KIAA1217: variants seen among roughly 807,000 people sequenced by gnomAD.
KIAA1217 encodes KIAA1217, also known as sickle tail protein homolog.
In KIAA1217, 88 loss-of-function variants were observed where a neutral mutation model predicts 163.9. That is an observed-to-expected ratio of 0.54 (90% confidence interval 0.45 to 0.64). The LOEUF is 0.64. Among genes scored for constraint, KIAA1217 ranks in the 30% least tolerant of loss-of-function variants. The pLI is 0.00. For synonymous variants in KIAA1217, 903 were observed against 923.1 expected, an observed-to-expected ratio of 0.98 and a Z score of 0.39; for missense variants, 2,372 against 2,475.0, an observed-to-expected ratio of 0.96 and a Z score of 0.88.
chr10:23,726,753 A>T (rs1197443325), intron 1 of KIAA1217, among the ~76,000 whole-genome samples: 1 of 152,186 alleles, frequency 6.6e-6, no homozygotes, highest in East Asian at 1.9e-4. Context: ...ATGAACAGAC[A>T]CTTCTCAAAA....
chr10:24,523,876 C>T (rs1449320250), intron 12 of KIAA1217, among the ~76,000 whole-genome samples: 3 of 152,092 alleles, frequency 2.0e-5, no homozygotes, highest in Non-Finnish European at 2.9e-5. Flanking sequence ...TCACTGTGTA[C>T]CTTGTGGCAA....
At chr10:24,517,139 C>T (rs912392628) in intron 10 of KIAA1217, among the ~76,000 whole-genome samples, 9 of 150,926 alleles carry the variant, frequency 6.0e-5, no homozygotes, top group African/African-American at 2.0e-4. Context: ...CACACCACTG[C>T]ACCCCAGCCT....
intron 1 of KIAA1217, among the ~76,000 whole-genome samples, chr10:23,955,063 A>G (rs189715184): frequency 9.2e-5 from 14 of 152,198 alleles, no homozygotes; most frequent in African/African-American, 3.4e-4. Flanking sequence ...TACTGTGCCC[A>G]GTTTTTTATA....
chr10:24,041,732 C>T (rs183399899), intron 2 of KIAA1217, among the ~76,000 whole-genome samples: 1 of 152,272 alleles, frequency 6.6e-6, no homozygotes, highest in East Asian at 1.9e-4. Context: ...TCACGGTCAC[C>T]TCTTGGAATA....
chr10:23,949,228 A>G (rs1177700144), intron 1 of KIAA1217, among the ~76,000 whole-genome samples: 1 of 152,206 alleles, frequency 6.6e-6, no homozygotes, highest in Non-Finnish European at 1.5e-5. Context: ...CTGACAAAAA[A>G]TACCTGGGAA....
intron 2 of KIAA1217, among the ~76,000 whole-genome samples, chr10:24,301,327 A>G (rs2041303254): frequency 6.6e-6 from 1 of 152,270 alleles, no homozygotes; most frequent in Non-Finnish European, 1.5e-5. Context: ...AAAAATGCCT[A>G]GAAAATTATC....
intron 2 of KIAA1217, among the ~76,000 whole-genome samples, chr10:24,075,119 TACAC>T (rs71397929): frequency 0.13 from 17,624 of 131,308 alleles, 1,258 homozygotes; most frequent in African/African-American, 0.21. Flanking sequence ...TCCCCCTAAA[TACAC>T]ACACACACAC....
At chr10:23,772,857 C>T (rs575442909) in intron 1 of KIAA1217, among the ~76,000 whole-genome samples, 12 of 152,260 alleles carry the variant, frequency 7.9e-5, no homozygotes, top group African/African-American at 2.4e-4. Context: ...AAACAAGGAT[C>T]GCTTCTCGGC....
intron 16 of KIAA1217, among the ~76,000 whole-genome samples, chr10:24,534,335 TA>T (rs1382568231): frequency 1.6e-4 from 24 of 152,198 alleles, no homozygotes; most frequent in Non-Finnish European, 3.2e-4. Context: ...CCAATCAGGC[TA>T]TTTGCAGGTT....
intron 1 of KIAA1217, among the ~76,000 whole-genome samples, chr10:23,916,865 G>A (rs895145232): frequency 3.3e-5 from 5 of 151,338 alleles, no homozygotes; most frequent in South Asian, 2.1e-4. Context: ...CCAGCTACAC[G>A]GGAGGCTGAG....
chr10:24,070,710 G>A (rs951641495), intron 2 of KIAA1217, among the ~76,000 whole-genome samples: 4 of 152,252 alleles, frequency 2.6e-5, no homozygotes, highest in African/African-American at 9.6e-5. Context: ...AAATATTAGT[G>A]GTAATTTGTT....
chr10:24,136,544 G>T (rs2063838832), intron 2 of KIAA1217, among the ~76,000 whole-genome samples: 1 of 152,124 alleles, frequency 6.6e-6, no homozygotes, highest in African/African-American at 2.4e-5. Context: ...ACACCGGAAC[G>T]CGGTCAAATG....
At position 23,919,372 on chromosome 10, in the gene KIAA1217, G is replaced by A. The variant is rs562105370; in HGVS notation, c.-320-87853G>A. Among the ~76,000 whole-genome samples, 22 of 152,000 alleles carry A rather than the reference G, an allele frequency of 1.4e-4. No homozygotes were observed. The South Asian group carries it at 1.9e-3, about 13-fold the overall frequency. ...TGTAATCCCAGCACTTTGGGAGGCC[G>A]AGGCAGGTGGATCACCTGAGGTCAG... On this transcript the variant is annotated intron_variant, in intron 1 of 18. Transcript: ENST00000376462.
intron 2 of KIAA1217, among the ~76,000 whole-genome samples, chr10:24,221,616 A>C (rs954143223): frequency 6.6e-6 from 1 of 152,162 alleles, no homozygotes; most frequent in Non-Finnish European, 1.5e-5. Context: ...AAAATGTGAA[A>C]CGTGCTTTAT....
At chr10:24,203,346 T>G (rs910600047) in intron 2 of KIAA1217, among the ~76,000 whole-genome samples, 10 of 152,048 alleles carry the variant, frequency 6.6e-5, no homozygotes, top group Admixed American at 3.3e-4. Flanking sequence ...TCCTAAGGTA[T>G]TCATCAAGTA....
chr10:23,938,893 G>A (rs927702466), intron 1 of KIAA1217, among the ~76,000 whole-genome samples: 1 of 152,084 alleles, frequency 6.6e-6, no homozygotes, highest in Admixed American at 6.6e-5. Flanking sequence ...GAAGAAAGCA[G>A]GGAAATATGA....
At chr10:24,095,479 C>T (rs2062119674) in intron 2 of KIAA1217, among the ~76,000 whole-genome samples, 1 of 152,176 alleles carries the variant, frequency 6.6e-6, no homozygotes, top group South Asian at 2.1e-4. Context: ...CCCCACTGAA[C>T]ACACCTTCTT....
chr10:24,489,374 T>G (rs1338020880), intron 6 of KIAA1217, among the ~76,000 whole-genome samples: 1 of 152,190 alleles, frequency 6.6e-6, no homozygotes, highest in Non-Finnish European at 1.5e-5. Context: ...TTCTGTAATA[T>G]GTCTTCTGGA....
chr10:23,806,415 A>G (rs1782305248), intron 1 of KIAA1217, among the ~76,000 whole-genome samples: 1 of 152,236 alleles, frequency 6.6e-6, no homozygotes, highest in Admixed American at 6.5e-5. Flanking sequence ...GCATAAAACT[A>G]GAGATTGAGG....
Sources: gnomAD v4.1 joint callset for allele counts (sites outside exome capture counted in the v4.1 genomes callset) on GRCh38, gnomAD v4.1.1 for gene constraint, MANE v1.5 for transcripts, NCBI Gene and HGNC (gene_info 2026-07-23, HGNC 2026-07-21) for gene names.